EXOC4: variants seen among roughly 807,000 people sequenced by gnomAD.
The protein encoded by EXOC4 is exocyst complex component 4.
A neutral mutation model predicts 107.2 loss-of-function variants in EXOC4; 71 were observed. The observed-to-expected ratio is 0.66, with a 90% CI of 0.55 to 0.81. The LOEUF (loss-of-function observed/expected upper bound fraction) is 0.81, where lower values mean the gene tolerates loss of function less well. Ranked by LOEUF, EXOC4 falls within the 30% of genes least tolerant of loss-of-function variation. The pLI is 0.00. For missense variants in EXOC4, 1,108 were observed against 1,189.6 expected (o/e 0.93, Z 1.01); for synonymous variants, 456 against 441.2 (o/e 1.03, Z -0.42).
intron 5 of EXOC4, among the ~76,000 whole-genome samples, chr7:133,323,328 G>T (rs1795158994): frequency 6.6e-6 from 1 of 152,250 alleles, no homozygotes. Context: ...TGCCCATTCA[G>T]TATGATATTG....
intron 7 of EXOC4, among the ~76,000 whole-genome samples, chr7:133,470,140 A>G (rs1326877605): frequency 6.6e-6 from 1 of 152,184 alleles, no homozygotes; most frequent in African/African-American, 2.4e-5. Context: ...CAAATACCTC[A>G]GAGATCTGAG....
chr7:133,338,734 C>T (rs1039258530), intron 5 of EXOC4, among the ~76,000 whole-genome samples: 23 of 147,716 alleles, frequency 1.6e-4, no homozygotes, highest in Admixed American at 5.4e-4. Context: ...GTACACGGTA[C>T]CCAATGGTGT....
At chr7:134,099,123 G>A in the EXOC4 span, among the ~76,000 whole-genome samples, 1 of 152,112 alleles carries the variant, frequency 6.6e-6, no homozygotes, top group Admixed American at 6.6e-5. Context: ...TTTGGAATTA[G>A]GGTTATTGTA....
At chr7:133,313,818 A>G (rs1156490930) in intron 4 of EXOC4, among the ~76,000 whole-genome samples, 3 of 152,114 alleles carry the variant, frequency 2.0e-5, no homozygotes, top group African/African-American at 7.2e-5. Flanking sequence ...AATTTGTTGT[A>G]TACTTTTCCT....
chr7:133,909,443 A>T (rs1385904891), intron 12 of EXOC4, among the ~76,000 whole-genome samples: 1 of 152,232 alleles, frequency 6.6e-6, no homozygotes, highest in Non-Finnish European at 1.5e-5. Flanking sequence ...GTTCTAAAGG[A>T]TGAGAAGGAG....
chr7:133,484,072 T>C (rs374082877), intron 9 of EXOC4: 4 of 1,613,738 alleles, frequency 2.5e-6, no homozygotes, highest in Non-Finnish European at 1.7e-6. Context: ...AGAAAGACAA[T>C]CAAAGTAACA....
chr7:133,831,561 A>ATT (rs55833548), intron 11 of EXOC4, among the ~76,000 whole-genome samples: 1,521 of 146,520 alleles, frequency 0.01, 10 homozygotes, highest in South Asian at 0.023. Context: ...CATCTTTGTG[A>ATT]TTTTTTTTTT....
intron 10 of EXOC4, among the ~76,000 whole-genome samples, chr7:133,746,305 A>G (rs1234684401): frequency 3.3e-5 from 5 of 152,196 alleles, no homozygotes; most frequent in Non-Finnish European, 5.9e-5. Flanking sequence ...GTTAGTTTCA[A>G]GTGACATAAA....
At chr7:133,571,149 T>A (rs1468800889) in intron 9 of EXOC4, among the ~76,000 whole-genome samples, 1 of 152,176 alleles carries the variant, frequency 6.6e-6, no homozygotes, top group Non-Finnish European at 1.5e-5. Flanking sequence ...AATGATTACT[T>A]ATGTAGCTCT....
chr7:133,907,267 C>T (rs932239965), intron 12 of EXOC4, among the ~76,000 whole-genome samples: 2 of 151,994 alleles, frequency 1.3e-5, no homozygotes, highest in Non-Finnish European at 2.9e-5. Flanking sequence ...ATTGTGTGCT[C>T]CTATAATTTA....
intron 9 of EXOC4, among the ~76,000 whole-genome samples, chr7:133,538,128 C>T (rs1014624916): frequency 1.4e-4 from 22 of 152,178 alleles, no homozygotes; most frequent in Non-Finnish European, 2.5e-4. Flanking sequence ...CAGCAGATCC[C>T]AGAATCAAAC....
At chr7:133,968,013 C>T (rs532201424) in intron 14 of EXOC4, among the ~76,000 whole-genome samples, 127 of 152,192 alleles carry the variant, frequency 8.3e-4, no homozygotes, top group African/African-American at 3.0e-3. Flanking sequence ...TCTGGGTGCT[C>T]CTGTATTGGG....
the EXOC4 span, among the ~76,000 whole-genome samples, chr7:134,096,274 A>G: frequency 6.6e-6 from 1 of 152,190 alleles, no homozygotes; most frequent in East Asian, 1.9e-4. Context: ...AGTAGCCCAC[A>G]ATGGAATAAG....
intron 7 of EXOC4, among the ~76,000 whole-genome samples, chr7:133,429,155 A>G (rs1015929849): frequency 2.6e-4 from 39 of 152,200 alleles, no homozygotes; most frequent in Non-Finnish European, 1.2e-4. Flanking sequence ...GTGAAAGGGC[A>G]CTGAAAGAAC....
At chr7:133,522,708 G>T (rs1164714929) in intron 9 of EXOC4, among the ~76,000 whole-genome samples, 1 of 152,072 alleles carries the variant, frequency 6.6e-6, no homozygotes, top group Non-Finnish European at 1.5e-5. Context: ...AAAATTCTTT[G>T]TTGGAAGAGA....
chr7:133,630,943 G>A (rs964310420), intron 10 of EXOC4, among the ~76,000 whole-genome samples: 3 of 152,118 alleles, frequency 2.0e-5, no homozygotes, highest in African/African-American at 2.4e-5. Context: ...GGCAATTGTT[G>A]AGTAGATAAA....
chr7:133,289,228 G>T, intron 3 of EXOC4, 112 bp downstream of exon 3: 3 of 848,188 alleles, frequency 3.5e-6, no homozygotes, highest in Middle Eastern at 3.4e-4. Flanking sequence ...GCCCTCTTGG[G>T]ATTCATGAGC....
At chr7:134,078,180 C>T in the EXOC4 span, among the ~76,000 whole-genome samples, 26,211 of 151,870 alleles carry the variant, frequency 0.17, 3,035 homozygotes, top group African/African-American at 0.33. Flanking sequence ...TGCTTTACCC[C>T]CCTTTTTCAT....
chr7:133,311,903 G>A (rs746323575), intron 4 of EXOC4, among the ~76,000 whole-genome samples: 10 of 151,986 alleles, frequency 6.6e-5, no homozygotes, highest in Non-Finnish European at 1.3e-4. Context: ...GCAGTTTTTT[G>A]TTCATAAGAT....
Sources: allele counts gnomAD v4.1 joint callset (sites outside exome capture counted in the v4.1 genomes callset), GRCh38; gene constraint gnomAD v4.1.1; transcripts MANE v1.5; gene names NCBI Gene and HGNC (gene_info 2026-07-23, HGNC 2026-07-21).